Variants in SLC38A4 observed in about 807,000 individuals in gnomAD.
The protein encoded by SLC38A4 is sodium-coupled neutral amino acid transporter 4.
In SLC38A4, 20 loss-of-function variants were observed where a neutral mutation model predicts 63.1. That is an observed-to-expected ratio of 0.32 (90% CI 0.22 to 0.46). SLC38A4 has a LOEUF of 0.46. Among genes scored for constraint, SLC38A4 ranks in the 20% least tolerant of loss-of-function variants. The pLI is 1.00. For synonymous variants in SLC38A4, 230 were observed against 225.5 expected (o/e 1.02, Z -0.18); for missense variants, 526 against 663.6 (o/e 0.79, Z 2.28).
chr12:46,792,824 C>T (rs1938918495), intron 3 of SLC38A4, 129 bp downstream of exon 3: 1 of 693,870 alleles, frequency 1.4e-6, no homozygotes, highest in Non-Finnish European at 2.6e-6. Context: ...AATTGATGTG[C>T]TAGCATCAAT....
Position 46,779,946 on chromosome 12 carries a change from T to A in SLC38A4, c.575+3A>T. ...GATGTCACAGAGGGAGCATAAGACA[T>A]ACCCAGTATTTTCTTCAAGTCCCAT... On this transcript the variant is annotated splice_donor_region_variant and intron_variant, in intron 8 of 16. Coordinates refer to ENST00000266579, the MANE Select transcript of SLC38A4 (RefSeq NM_018018.5). The A allele has an allele frequency of 6.2e-7, 1 of 1,611,358 alleles. No individual in the cohort carries two copies. The highest frequency in any genetic ancestry group is 8.5e-7 in the Non-Finnish European group (1 of 1,178,008).
At chr12:46,775,600 C>T (rs1938508331) in intron 13 of SLC38A4, among the ~76,000 whole-genome samples, 1 of 151,984 alleles carries the variant, frequency 6.6e-6, no homozygotes, top group South Asian at 2.1e-4. Context: ...AGTGTGTAAA[C>T]TCTAGGATGA....
intron 16 of SLC38A4, among the ~76,000 whole-genome samples, chr12:46,767,430 G>T (rs992381046): frequency 2.0e-5 from 3 of 152,066 alleles, no homozygotes; most frequent in Non-Finnish European, 4.4e-5. Flanking sequence ...GGGTCTAGGA[G>T]ATAATTGTAC....
chr12:46,828,622 C>G (rs867399675), upstream of SLC38A4, among the ~76,000 whole-genome samples: 3 of 152,196 alleles, frequency 2.0e-5, no homozygotes. Flanking sequence ...GGTGCCCAGC[C>G]TTTTCCCTGG....
chr12:46,830,493 A>G (rs377026605), upstream of SLC38A4, among the ~76,000 whole-genome samples: 9 of 152,290 alleles, frequency 5.9e-5, no homozygotes, highest in South Asian at 8.3e-4. Context: ...TCTTTACAAC[A>G]TAACACATTT....
intron 5 of SLC38A4, among the ~76,000 whole-genome samples, chr12:46,785,917 C>G (rs1938752562): frequency 6.6e-6 from 1 of 151,454 alleles, no homozygotes; most frequent in Admixed American, 6.6e-5. Context: ...AGCAATGCTG[C>G]CTTTTACCTG....
Position 46,794,556 on chromosome 12 carries a change from G to GA in SLC38A4, c.-112-1374dup, listed in dbSNP as rs370701861. Among the ~76,000 whole-genome samples the GA allele has an allele frequency of 5.8e-3, 874 of 150,420 alleles. 7 individuals are homozygous for GA. The highest frequency in any genetic ancestry group is 0.021 in the African/African-American group (831 of 40,502). On this transcript the variant is annotated intron_variant, in intron 2 of 16. Transcript: ENST00000266579. The stretch of plus-strand genomic sequence containing the variant: ...CAAAAAAAGGAATTCTTAAAAAAAA[G>GA]AAAAAAATAGAATCATTGAAATTTA...
At chr12:46,769,242 G>GT in intron 15 of SLC38A4, 42 bp downstream of exon 15, 1 of 1,606,988 alleles carries the variant, frequency 6.2e-7, no homozygotes, top group Non-Finnish European at 8.5e-7. Context: ...TTAATGAGGC[G>GT]TGAGTTTGGG....
chr12:46,770,158 T>C (rs893272673), intron 14 of SLC38A4, among the ~76,000 whole-genome samples: 12 of 152,036 alleles, frequency 7.9e-5, no homozygotes, highest in African/African-American at 2.7e-4. Context: ...GTAAAACCCT[T>C]GTTGATCACA....
Position 46,787,543 on chromosome 12 carries a change from C to G in SLC38A4, c.326+373G>C, listed in dbSNP as rs775230830. Among the ~76,000 whole-genome samples the G allele has an allele frequency of 1.1e-4, 16 of 152,168 alleles. 1 individual carries two copies. Among genetic ancestry groups the G allele is most frequent in the Middle Eastern group, 3.4e-3 (1 of 294 alleles). ...GCTATTGTGCCCAGTGTATCTGTCGCACAGGGGTACAGGGAATGGGACATA... is the reference window on the plus strand; with the variant it reads ...GCTATTGTGCCCAGTGTATCTGTCGGACAGGGGTACAGGGAATGGGACATA... On this transcript the variant is annotated intron_variant, in intron 5 of 16. Transcript: ENST00000266579.
chr12:46,812,628 A>G (rs1162336138), intron 1 of SLC38A4, among the ~76,000 whole-genome samples: 1 of 152,076 alleles, frequency 6.6e-6, no homozygotes, highest in East Asian at 1.9e-4. Flanking sequence ...AGCAGAAAAA[A>G]TGTACACATT....
intron 14 of SLC38A4, among the ~76,000 whole-genome samples, chr12:46,773,178 T>C (rs537444424): frequency 4.6e-5 from 7 of 152,228 alleles, no homozygotes; most frequent in African/African-American, 4.8e-5. Flanking sequence ...CCCAGCTGAA[T>C]TCGTAGCACA....
chr12:46,776,838 C>A (rs12316767), intron 13 of SLC38A4, 66 bp downstream of exon 13: 277,001 of 1,381,004 alleles, frequency 0.2, 29,220 homozygotes, highest in South Asian at 0.24. Context: ...AAAATCATAC[C>A]TACCCAGGTC....
At chr12:46,830,991 C>T (rs893731309), upstream of SLC38A4, among the ~76,000 whole-genome samples, 1 of 152,312 alleles carries the variant, frequency 6.6e-6, no homozygotes, top group South Asian at 2.1e-4. Flanking sequence ...GACCACGTAT[C>T]CCTGAGTTTC....
chr12:46,812,566 C>G (rs960796421), intron 1 of SLC38A4, among the ~76,000 whole-genome samples: 4 of 152,000 alleles, frequency 2.6e-5, no homozygotes, highest in African/African-American at 9.7e-5. Flanking sequence ...GCTTTTTTCT[C>G]ATTTATAAAA....
chr12:46,828,859 G>A (rs1442856917), upstream of SLC38A4, among the ~76,000 whole-genome samples: 10 of 152,194 alleles, frequency 6.6e-5, no homozygotes, highest in Non-Finnish European at 1.5e-4. Context: ...TATATACACA[G>A]TGGAAGAAAG....
Position 46,766,654 on chromosome 12 carries a change from T to C in SLC38A4, c.*47A>G, listed in dbSNP as rs760827794. 1.4e-5 allele frequency: 17 copies of C among 1,202,030 alleles called. No homozygotes were observed. Among genetic ancestry groups the C allele is most frequent in the Admixed American group, 8.9e-5 (5 of 56,100 alleles). 74.5% of individuals were successfully genotyped at this position (1,202,030 alleles called of 1,614,324 possible). ...GATAATTCAAATATCTTTTGGAGTATAACTTGTAACCATTTCCAATAGAAA... is the reference window on the plus strand; with the variant it reads ...GATAATTCAAATATCTTTTGGAGTACAACTTGTAACCATTTCCAATAGAAA... On this transcript the variant is annotated 3_prime_UTR_variant, in exon 17 of 17. Transcript: ENST00000266579.
At chr12:46,821,736 T>G (rs1307465620) in intron 1 of SLC38A4, among the ~76,000 whole-genome samples, 4 of 152,152 alleles carry the variant, frequency 2.6e-5, no homozygotes, top group African/African-American at 9.7e-5. Flanking sequence ...AAAATGCCAT[T>G]GGGATTTTGA....
chr12:46,827,175 G>A (rs536306164), upstream of SLC38A4, among the ~76,000 whole-genome samples: 6 of 152,254 alleles, frequency 3.9e-5, no homozygotes, highest in South Asian at 1.2e-3. Flanking sequence ...ACATTCTCTG[G>A]GCTGGACTGT....
Sources: allele counts gnomAD v4.1 joint callset (sites outside exome capture counted in the v4.1 genomes callset), GRCh38; gene constraint gnomAD v4.1.1; transcripts MANE v1.5; gene names NCBI Gene and HGNC (gene_info 2026-07-23, HGNC 2026-07-21).